Variants in RBM27 observed in about 807,000 individuals in gnomAD.
RBM27 encodes RNA-binding protein 27.
In RBM27, 22 loss-of-function variants were observed where a neutral mutation model predicts 135.3. That is an observed-to-expected ratio of 0.16 (90% CI 0.12 to 0.23). The LOEUF is 0.23. Ranked by LOEUF, RBM27 falls within the 10% of genes least tolerant of loss-of-function variation. The probability of loss-of-function intolerance (pLI) is 1.00; values close to 1 mark genes in which losing one functional copy is unlikely to be tolerated. For synonymous variants in RBM27, 481 were observed against 442.4 expected (o/e 1.09, Z -1.10); for missense variants, 1,009 against 1,281.0 (o/e 0.79, Z 3.24).
At chr5:146,231,610 A>T (rs1159449710) in intron 6 of RBM27, among the ~76,000 whole-genome samples, 1 of 151,844 alleles carries the variant, frequency 6.6e-6, no homozygotes, top group East Asian at 1.9e-4. Context: ...TTTTAAAAGA[A>T]TTTTATTTAT....
intron 18 of RBM27, 76 bp from the exon 19 acceptor site, chr5:146,271,407 A>G (rs1320757333): frequency 7.2e-7 from 1 of 1,393,592 alleles, no homozygotes; most frequent in African/African-American, 1.5e-5. Context: ...TCTCAAAAAA[A>G]AAAAAAAAGT....
intron 1 of RBM27, among the ~76,000 whole-genome samples, chr5:146,207,866 G>A (rs757334887): frequency 2.7e-5 from 4 of 150,278 alleles, no homozygotes; most frequent in Non-Finnish European, 5.9e-5. Flanking sequence ...TGTTGGTCAG[G>A]CTGGTCTTGA....
intron 3 of RBM27, among the ~76,000 whole-genome samples, chr5:146,224,500 G>T (rs1581156017): frequency 2.0e-5 from 3 of 152,176 alleles, no homozygotes; most frequent in Non-Finnish European, 2.9e-5. Context: ...TGGCCAACAT[G>T]GGAAACCCTG....
chr5:146,251,697 T>G lies in RBM27; in HGVS notation c.1280-14T>G. ...CTCTCATTCCCAGCTGCCCTCCTAT[T>G]CTTTCCTCTATAGGACAGCCCATGT... On this transcript the variant is annotated splice_polypyrimidine_tract_variant and intron_variant, in intron 8 of 20. Transcript: ENST00000265271. 3 of 1,595,812 alleles carry G rather than the reference T, an allele frequency of 1.9e-6. No individual in the cohort carries two copies. The highest frequency in any genetic ancestry group is 2.6e-6 in the Non-Finnish European group (3 of 1,163,814).
Position 146,203,771 on chromosome 5 carries a change from C to T in RBM27, c.6C>T (p.Leu2=), listed in dbSNP as rs1755488623. ...GAGCCCGCCTTCCCTGCACCATGCTCATAGAGGATGTGGATGCCCTCAAGT... is the reference window on the plus strand; with the variant it reads ...GAGCCCGCCTTCCCTGCACCATGCTTATAGAGGATGTGGATGCCCTCAAGT... M[L]IEDVDALKSW... is the part of the protein sequence containing the mutation. The change falls in exon 1 of 21, where the codon CTC becomes CTT. Residue 2 remains leucine, a synonymous_variant. Coordinates refer to ENST00000265271, the MANE Select transcript of RBM27 (RefSeq NM_018989.2). 3 of 1,550,634 alleles carry T rather than the reference C, an allele frequency of 1.9e-6. No individual in the cohort carries two copies. The highest frequency in any genetic ancestry group is 2.6e-6 in the Non-Finnish European group (3 of 1,146,710).
At position 146,261,659 on chromosome 5, in the gene RBM27, A is replaced by G. The variant is rs974810790; in HGVS notation, c.2043A>G (p.Leu681=). The G allele has an allele frequency of 4.3e-5, 69 of 1,614,062 alleles. No individual in the cohort carries two copies. The highest frequency in any genetic ancestry group is 5.5e-5 in the Non-Finnish European group (65 of 1,180,036). ...GGGAAAATAATGAGCAACCGACACT[A>G]CAGTCCTCAGCACAGCTGCTCCTGC... is the stretch of plus-strand genomic sequence containing the variant. The part of the protein sequence containing the change: ...WHRENNEQPT[L]QSSAQLLLQQ... The change falls in exon 13 of 21, where the codon CTA becomes CTG. Residue 681 remains leucine (L), a synonymous_variant. Coordinates refer to ENST00000265271, the MANE Select transcript of RBM27 (RefSeq NM_018989.2).
chr5:146,275,322 T>G (rs960377762), intron 19 of RBM27, among the ~76,000 whole-genome samples: 18 of 152,048 alleles, frequency 1.2e-4, no homozygotes, highest in Admixed American at 3.3e-4. Context: ...CAGGCTGGAG[T>G]GCAGTGGTGT....
rs76221375 is a variant in RBM27, at chr5:146,204,767, A to G, written c.59+943A>G. Among the ~76,000 whole-genome samples the G allele has an allele frequency of 5.9e-3, 900 of 152,288 alleles. 8 individuals are homozygous for G. The highest frequency in any genetic ancestry group is 0.02 in the African/African-American group (847 of 41,544). The stretch of plus-strand genomic sequence containing the variant: ...TTTTGTAAGATTGAGAGGACACCTG[A>G]AGATAATTGGGGTGTAGTATGAGGG... On this transcript the variant is annotated intron_variant, in intron 1 of 20. Transcript: ENST00000265271.
intron 11 of RBM27, among the ~76,000 whole-genome samples, chr5:146,259,745 G>T (rs1227228409): frequency 6.7e-6 from 1 of 150,336 alleles, no homozygotes. Context: ...AGGCCAAGGC[G>T]GGTGGATCAT....
chr5:146,281,915 C>T (rs1416622668), intron 19 of RBM27, among the ~76,000 whole-genome samples: 3 of 151,214 alleles, frequency 2.0e-5, no homozygotes, highest in Admixed American at 1.3e-4. Flanking sequence ...TTGTGAGACT[C>T]ATTCATGTTT....
chr5:146,258,679 A>G, intron 11 of RBM27, 86 bp downstream of exon 11: 1 of 1,229,126 alleles, frequency 8.1e-7, no homozygotes, highest in East Asian at 2.9e-5. Flanking sequence ...GTCATTAATT[A>G]ATGTTTTTCA....
intron 9 of RBM27, 103 bp downstream of exon 9, chr5:146,251,978 C>G: frequency 7.9e-7 from 1 of 1,271,748 alleles, no homozygotes; most frequent in Non-Finnish European, 1.1e-6. Context: ...TTACAAAGTC[C>G]CATTAAAGCT....
intron 10 of RBM27, among the ~76,000 whole-genome samples, chr5:146,256,315 A>AT (rs1758098969): frequency 6.8e-6 from 1 of 146,490 alleles, no homozygotes; most frequent in East Asian, 2.0e-4. Context: ...ATTTATATAT[A>AT]TATTTTTATA....
At chr5:146,230,946 T>C (rs375365232) in intron 6 of RBM27, 29 bp downstream of exon 6, 21 of 1,609,390 alleles carry the variant, frequency 1.3e-5, no homozygotes, top group Non-Finnish European at 1.8e-5. Flanking sequence ...TCTCATATTG[T>C]GCCCAAAAGT....
rs147672294 is a variant in RBM27, at chr5:146,248,801, G to T, written c.1280-2910G>T. ...TTCTTTGTCAGTAGTTTTAAAAACA[G>T]ACATTGGGCAAAGTAGCCTTTTGGT... is the stretch of plus-strand genomic sequence containing the variant. On this transcript the variant is annotated intron_variant, in intron 8 of 20. Coordinates refer to ENST00000265271, the MANE Select transcript of RBM27 (RefSeq NM_018989.2). Among the ~76,000 whole-genome samples, 492 of 152,206 alleles carry T rather than the reference G, an allele frequency of 3.2e-3. 4 individuals carry two copies. Among genetic ancestry groups the T allele is most frequent in the African/African-American group, 0.011 (458 of 41,546 alleles).
intron 11 of RBM27, among the ~76,000 whole-genome samples, chr5:146,260,098 A>G (rs1399928209): frequency 6.6e-6 from 1 of 151,958 alleles, no homozygotes; most frequent in Non-Finnish European, 1.5e-5. Context: ...CAGGAGTTCA[A>G]GACCAGCCTG....
Position 146,271,650 on chromosome 5 carries a change from A to G in RBM27, c.2964A>G (p.Lys988=). ...TTGGAGGATTCATTGAGGAAGAAAA[A>G]GAAGACTTGCTTCAGCATTTCTCAG... ...LTVGGFIEEE[K]EDLLQHFSTA... Residue 988 remains lysine, a synonymous_variant, in exon 19 of 21, where the codon AAA becomes AAG. Coordinates refer to ENST00000265271, the MANE Select transcript of RBM27 (RefSeq NM_018989.2). 2 of 1,613,448 alleles carry G rather than the reference A, an allele frequency of 1.2e-6. No individual in the cohort carries two copies. The highest frequency in any genetic ancestry group is 1.1e-5 in the South Asian group (1 of 91,018).
At chr5:146,207,505 G>A (rs1447012204) in intron 1 of RBM27, among the ~76,000 whole-genome samples, 1 of 150,186 alleles carries the variant, frequency 6.7e-6, no homozygotes, top group African/African-American at 2.4e-5. Context: ...GAGCCACTGC[G>A]CCCAGCCTGT....
Position 146,274,210 on chromosome 5 carries a change from G to A in RBM27, c.2988+2536G>A, listed in dbSNP as rs566932427. On this transcript the variant is annotated intron_variant, in intron 19 of 20. Coordinates refer to ENST00000265271, the MANE Select transcript of RBM27 (RefSeq NM_018989.2). ...TTCTCTATTTTCCATACTTCCTGAG[G>A]AACACATACTCCTTTTTTTTTTTAA... Among the ~76,000 whole-genome samples the A allele has an allele frequency of 4.7e-5, 7 of 149,126 alleles. No individual in the cohort carries two copies. The South Asian group carries it at 8.5e-4, about 18-fold the overall frequency.
Sources: allele counts gnomAD v4.1 joint callset (sites outside exome capture counted in the v4.1 genomes callset), GRCh38; gene constraint gnomAD v4.1.1; transcripts MANE v1.5; gene names NCBI Gene and HGNC (gene_info 2026-07-23, HGNC 2026-07-21).